PRKN: variants seen among roughly 807,000 people sequenced by gnomAD.
PRKN encodes E3 ubiquitin-protein ligase parkin.
In PRKN, 56 loss-of-function variants were observed where a neutral mutation model predicts 59.5. That is an observed-to-expected ratio of 0.94 (90% CI 0.76 to 1.18). The LOEUF is 1.18. Among genes scored for constraint, PRKN ranks in the 50% most tolerant of loss-of-function variants. The probability of loss-of-function intolerance (pLI) is 0.00; values close to 1 mark genes in which losing one functional copy is unlikely to be tolerated. For synonymous variants in PRKN, 250 were observed against 222.1 expected, an observed-to-expected ratio of 1.13 and a Z score of -1.12; for missense variants, 657 against 596.4, an observed-to-expected ratio of 1.10 and a Z score of -1.06.
At chr6:161,775,023 A>G (rs143416143) in intron 7 of PRKN, among the ~76,000 whole-genome samples, 323 of 152,250 alleles carry the variant, frequency 2.1e-3, no homozygotes, top group African/African-American at 7.5e-3. Context: ...TTATAATTAT[A>G]CAAGGTCCAG....
chr6:162,588,787 G>A (rs1291472729), intron 1 of PRKN, among the ~76,000 whole-genome samples: 2 of 151,944 alleles, frequency 1.3e-5, no homozygotes, highest in East Asian at 1.9e-4. Flanking sequence ...TCCTGACCTC[G>A]TGATCCACCT....
At chr6:161,534,866 C>G (rs1191988644) in intron 9 of PRKN, among the ~76,000 whole-genome samples, 1 of 152,186 alleles carries the variant, frequency 6.6e-6, no homozygotes, top group Non-Finnish European at 1.5e-5. Context: ...CTTATGAGTA[C>G]AGCTTAGTTG....
At chr6:162,596,534 T>C (rs1177650268) in intron 1 of PRKN, among the ~76,000 whole-genome samples, 1 of 152,148 alleles carries the variant, frequency 6.6e-6, no homozygotes, top group African/African-American at 2.4e-5. Context: ...TCCTAGGCAT[T>C]GAAATAAAGC....
chr6:162,027,805 TA>T (rs1167834334), intron 5 of PRKN, among the ~76,000 whole-genome samples: 1 of 151,800 alleles, frequency 6.6e-6, no homozygotes, highest in Non-Finnish European at 1.5e-5. Flanking sequence ...CCTCCGTGCT[TA>T]ATACATGGTT....
intron 3 of PRKN, among the ~76,000 whole-genome samples, chr6:162,247,729 C>T (rs1583262903): frequency 6.6e-6 from 1 of 151,998 alleles, no homozygotes; most frequent in East Asian, 1.9e-4. Flanking sequence ...ATAATCTCTG[C>T]TTTGTGTTGA....
rs200217281 is a variant in PRKN, at chr6:161,856,142, C to G, written c.735-70234G>C. Among the ~76,000 whole-genome samples, 85 of 152,172 alleles carry G rather than the reference C, an allele frequency of 5.6e-4. No homozygotes were observed. The East Asian group carries it at 0.011, about 20-fold the overall frequency. On this transcript the variant is annotated intron_variant, in intron 6 of 11. Transcript: ENST00000366898. Reference sequence around the variant, plus strand: ...TGGGAGGCCGAGGTGGGCAGATCACCTGAGGTCAGGAGTTCAAGACCAGCC... The same window carrying G: ...TGGGAGGCCGAGGTGGGCAGATCACGTGAGGTCAGGAGTTCAAGACCAGCC...
At chr6:162,578,035 T>C (rs1735417523) in intron 1 of PRKN, among the ~76,000 whole-genome samples, 1 of 152,184 alleles carries the variant, frequency 6.6e-6, no homozygotes, top group Admixed American at 6.6e-5. Flanking sequence ...TGCAAACATA[T>C]GCACTCGCAA....
At chr6:162,564,963 T>C (rs1197954008) in intron 1 of PRKN, among the ~76,000 whole-genome samples, 3 of 151,696 alleles carry the variant, frequency 2.0e-5, no homozygotes. Context: ...ACCTAGAATA[T>C]TATAACAGTG....
chr6:161,523,538 C>G (rs1377243804), intron 9 of PRKN, among the ~76,000 whole-genome samples: 1 of 152,194 alleles, frequency 6.6e-6, no homozygotes, highest in African/African-American at 2.4e-5. Context: ...TTGCATTAGA[C>G]ACAAAATCGC....
intron 1 of PRKN, among the ~76,000 whole-genome samples, chr6:162,504,414 A>T (rs575904289): frequency 1.3e-5 from 2 of 152,348 alleles, no homozygotes; most frequent in East Asian, 1.9e-4. Context: ...GGATAAAAAC[A>T]CACAAAAAAT....
intron 1 of PRKN, among the ~76,000 whole-genome samples, chr6:162,565,398 AT>A (rs1332582559): frequency 3.9e-5 from 6 of 152,132 alleles, no homozygotes; most frequent in Admixed American, 3.9e-4. Flanking sequence ...AAATAATAAC[AT>A]TGGCCGGGAG....
At chr6:162,375,998 C>T (rs1786050831) in intron 2 of PRKN, among the ~76,000 whole-genome samples, 1 of 152,110 alleles carries the variant, frequency 6.6e-6, no homozygotes, top group Non-Finnish European at 1.5e-5. Flanking sequence ...CCCTGGGAAG[C>T]TTCCATGCTA....
chr6:162,417,240 CA>C (rs1788675209), intron 2 of PRKN, among the ~76,000 whole-genome samples: 1 of 152,076 alleles, frequency 6.6e-6, no homozygotes, highest in Non-Finnish European at 1.5e-5. Context: ...TTCAAAAGTG[CA>C]AAAGGAAACA....
At chr6:161,810,808 A>G (rs1316468627) in intron 6 of PRKN, among the ~76,000 whole-genome samples, 1 of 152,200 alleles carries the variant, frequency 6.6e-6, no homozygotes, top group Non-Finnish European at 1.5e-5. Context: ...TTAGGATTCT[A>G]ATTCAAATTC....
intron 2 of PRKN, among the ~76,000 whole-genome samples, chr6:162,299,433 G>C (rs1052883402): frequency 6.6e-6 from 1 of 152,028 alleles, no homozygotes; most frequent in Admixed American, 6.5e-5. Context: ...TTTGTGAGCA[G>C]CTTCTTCGAT....
At chr6:162,007,794 T>A (rs141691555) in intron 5 of PRKN, among the ~76,000 whole-genome samples, 5 of 152,156 alleles carry the variant, frequency 3.3e-5, no homozygotes, top group African/African-American at 1.2e-4. Flanking sequence ...CTATCCTGAG[T>A]TCTCTATAAT....
chr6:162,205,271 G>A lies in PRKN; in HGVS notation c.413-4019C>T, dbSNP rs190843492. Among the ~76,000 whole-genome samples the A allele has an allele frequency of 2.7e-4, 41 of 152,086 alleles. No individual in the cohort carries two copies. The East Asian group carries it at 7.5e-3, about 28-fold the overall frequency. ...TCAAAAAAGTTGCTGAAATAACAAT[G>A]TTTACAACATATTGAATAGAGCCAA... On this transcript the variant is annotated intron_variant, in intron 3 of 11. Coordinates refer to ENST00000366898, the MANE Select transcript of PRKN (RefSeq NM_004562.3).
chr6:161,507,200 T>C (rs998990572), intron 9 of PRKN, among the ~76,000 whole-genome samples: 6 of 152,228 alleles, frequency 3.9e-5, no homozygotes, highest in East Asian at 1.9e-4. Flanking sequence ...GCGGAACCCA[T>C]TCCAGTAGTG....
intron 6 of PRKN, among the ~76,000 whole-genome samples, chr6:161,877,461 ATTTT>A (rs35664661): frequency 5.1e-4 from 72 of 141,334 alleles, no homozygotes; most frequent in African/African-American, 1.9e-3. Flanking sequence ...ACATATTTGC[ATTTT>A]TTTTTTTTTT....
Sources: gnomAD v4.1 joint callset for allele counts (sites outside exome capture counted in the v4.1 genomes callset) on GRCh38, gnomAD v4.1.1 for gene constraint, MANE v1.5 for transcripts, NCBI Gene and HGNC (gene_info 2026-07-23, HGNC 2026-07-21) for gene names.